UBE2S: variants seen among roughly 807,000 people sequenced by gnomAD.
The protein encoded by UBE2S is ubiquitin conjugating enzyme E2 S, also known as ubiquitin-conjugating enzyme E2 S.
In UBE2S, 3 loss-of-function variants were observed where a neutral mutation model predicts 12.3. The ratio of observed to expected loss-of-function variants is 0.24; its 90% CI spans 0.11 to 0.63. UBE2S has a LOEUF of 0.63. Ranked by LOEUF, UBE2S falls within the 30% of genes least tolerant of loss-of-function variation. The pLI is 0.85. For missense variants in UBE2S, 211 were observed against 313.9 expected (o/e 0.67, Z 2.48); for synonymous variants, 133 against 142.0 (o/e 0.94, Z 0.45).
At position 55,399,878 on chromosome 19, in the gene UBE2S, G is replaced by C. The variant is rs1261454933; in HGVS notation, c.*1558C>G. 1 of 152,250 alleles carries C rather than the reference G, an allele frequency of 6.6e-6. No homozygotes were observed. The highest frequency in any genetic ancestry group is 1.9e-4 in the East Asian group (1 of 5,208). The allele number at this position is 152,250 out of a possible 1,614,324, so 9.4% of individuals were successfully genotyped here. A position where few individuals can be genotyped will look rare whatever the true frequency, so the allele number is the denominator to read the frequency against. ...GCAGAAATGGTTGACGATAAACGCAGAGCTTAAGATTTCTTGGATGGCCAG... is the reference window on the plus strand; with the variant it reads ...GCAGAAATGGTTGACGATAAACGCACAGCTTAAGATTTCTTGGATGGCCAG... On this transcript the variant is annotated 3_prime_UTR_variant, in exon 4 of 4. Transcript: ENST00000264552.
intron 3 of UBE2S, among the ~76,000 whole-genome samples, chr19:55,402,024 G>A (rs1190633305): frequency 1.3e-5 from 2 of 152,194 alleles, no homozygotes; most frequent in African/African-American, 4.8e-5. Flanking sequence ...CTGGTCCTCC[G>A]TGGAACTTGC....
rs2090055598 is a variant in UBE2S at position 55,401,276 on chromosome 19, C to T, written c.*160G>A. The T allele has an allele frequency of 2.3e-6, 2 of 878,540 alleles. No homozygotes were observed. Among genetic ancestry groups the T allele is most frequent in the Non-Finnish European group, 3.4e-6 (2 of 587,480 alleles). The allele number at this position is 878,540 out of a possible 1,614,324, so 54.4% of individuals were successfully genotyped here. A position where few individuals can be genotyped will look rare whatever the true frequency, so the allele number is the denominator to read the frequency against. On this transcript the variant is annotated 3_prime_UTR_variant, in exon 4 of 4. Transcript: ENST00000264552. ...GCGGTCCTGGGGCATCTGTGAGACA[C>T]AGAAGCTGCTTTTCCAACTTTATTT...
At chr19:55,403,085 C>G (rs1466504071) in intron 3 of UBE2S, 1 of 1,140,820 alleles carries the variant, frequency 8.8e-7, no homozygotes, top group African/African-American at 1.5e-5. Context: ...TTGGGCAGCA[C>G]CCTTGGCCTC....
chr19:55,404,575 G>A lies in UBE2S; in HGVS notation c.152-97C>T. On this transcript the variant is annotated intron_variant, in intron 2 of 3. Transcript: ENST00000264552. The surrounding 1 kb of genome is among the most constrained non-coding windows in gnomAD (Gnocchi z 4.4). ...GTCTCCACGGTCTGATTGTGATGCAGGTGGGTGCCCCGCCAACTCTGCCAA... is the reference window on the plus strand; with the variant it reads ...GTCTCCACGGTCTGATTGTGATGCAAGTGGGTGCCCCGCCAACTCTGCCAA... 1 of 1,169,786 alleles carries A rather than the reference G, an allele frequency of 8.5e-7. No homozygotes were observed. Among genetic ancestry groups the A allele is most frequent in the South Asian group, 1.6e-5 (1 of 62,804 alleles). 72.5% of individuals were successfully genotyped at this position (1,169,786 alleles called of 1,614,324 possible). A position where few individuals can be genotyped will look rare whatever the true frequency, so the allele number is the denominator to read the frequency against.
chr19:55,406,830 T>C lies in UBE2S; in HGVS notation c.136A>G (p.Thr46Ala), dbSNP rs187433678. The C allele has an allele frequency of 6.2e-7, 1 of 1,612,994 alleles. No individual in the cohort carries two copies. Among genetic ancestry groups the C allele is most frequent in the East Asian group, 2.2e-5 (1 of 44,842 alleles). Reference protein sequence around the residue: ...NEEDLTDLQVTIEGPEGTPYA... With the variant: ...NEEDLTDLQVAIEGPEGTPYA... ...CCAAACTCACCAGGGCCCTCGATGG[T>C]GACCTGGAGGTCGGTGAGGTCCTCC... The change falls in exon 2 of 4, where the codon ACC becomes GCC. Residue 46 changes from threonine to alanine, a missense_variant. Transcript: ENST00000264552.
At position 55,407,657 on chromosome 19, in the gene UBE2S, C is replaced by CG. The variant is rs1331937068; in HGVS notation, c.-69dup. Reference sequence around the variant, plus strand: ...GCGTTCTTCGGTCCGCCGGCCGGGGCGGGGGGCCCAACTGCTGCCGCTGCG... The same window carrying CG: ...GCGTTCTTCGGTCCGCCGGCCGGGGCGGGGGGGCCCAACTGCTGCCGCTGCG... On this transcript the variant is annotated 5_prime_UTR_variant, in exon 1 of 4. Transcript: ENST00000264552. The CG allele has an allele frequency of 1.6e-6, 2 of 1,246,730 alleles. No homozygotes were observed. The highest frequency in any genetic ancestry group is 2.0e-6 in the Non-Finnish European group (2 of 976,336). 77.2% of individuals were successfully genotyped at this position (1,246,730 alleles called of 1,614,324 possible).
At chr19:55,406,707 A>C (rs947803670) in intron 2 of UBE2S, 108 bp downstream of exon 2, 1 of 1,420,628 alleles carries the variant, frequency 7.0e-7, no homozygotes, top group Non-Finnish European at 9.5e-7. Context: ...GCATCCCAAC[A>C]CCTGACACGA....
At chr19:55,406,990 G>A (rs2090100289) in intron 1 of UBE2S, 28 bp from the exon 2 acceptor site, 1 of 1,610,160 alleles carries the variant, frequency 6.2e-7, no homozygotes, top group Non-Finnish European at 8.5e-7. Flanking sequence ...AGCAGGGTGA[G>A]CGAGTGTTAA....
rs781611407 is a variant in UBE2S at position 55,404,373 on chromosome 19, G to A, written c.257C>T (p.Pro86Leu). The part of the protein sequence containing the change: ...KGYFLTKIFH[P>L]NVGANGEICV... ...GATCTCGCCATTGGCGCCCACGTTCGGGTGGAAGATCTTGGTCAGGAAGTA... is the reference window on the plus strand; with the variant it reads ...GATCTCGCCATTGGCGCCCACGTTCAGGTGGAAGATCTTGGTCAGGAAGTA... The change falls in exon 3 of 4, where the codon CCG becomes CTG. Residue 86 changes from proline to leucine, a missense_variant. Coordinates refer to ENST00000264552, the MANE Select transcript of UBE2S (RefSeq NM_014501.3). The surrounding 1 kb of genome is among the most constrained non-coding windows in gnomAD (Gnocchi z 4.4). 6 of 1,613,760 alleles carry A rather than the reference G, an allele frequency of 3.7e-6. No individual in the cohort carries two copies. Among genetic ancestry groups the A allele is most frequent in the African/African-American group, 1.3e-5 (1 of 74,880 alleles).
At chr19:55,405,134 C>T (rs542140310) in intron 2 of UBE2S, among the ~76,000 whole-genome samples, 88 of 144,560 alleles carry the variant, frequency 6.1e-4, no homozygotes, top group African/African-American at 2.2e-3. Flanking sequence ...CCCTTGAACC[C>T]GGGATGGGGA....
chr19:55,401,943 C>T (rs2090062735), intron 3 of UBE2S, among the ~76,000 whole-genome samples, 181 bp from the exon 4 acceptor site: 1 of 152,212 alleles, frequency 6.6e-6, no homozygotes, highest in Non-Finnish European at 1.5e-5. Context: ...AGGCCACCTT[C>T]ATGTGACCTG....
rs765970088 is a variant in UBE2S at position 55,401,412 on chromosome 19, C to T, written c.*24G>A. On this transcript the variant is annotated 3_prime_UTR_variant, in exon 4 of 4. Coordinates refer to ENST00000264552, the MANE Select transcript of UBE2S (RefSeq NM_014501.3). ...GAGGGGACAGGAGAGGTTGGGGTCA[C>T]GGTGGAAGGAGGAAGAGAGCCCACT... 166 of 1,540,818 alleles carry T rather than the reference C, an allele frequency of 1.1e-4. No homozygotes were observed. Among genetic ancestry groups the T allele is most frequent in the Non-Finnish European group, 1.3e-4 (147 of 1,134,116 alleles).
At position 55,400,706 on chromosome 19, in the gene UBE2S, A is replaced by C. The variant is rs1161795609; in HGVS notation, c.*730T>G. ...CTCAATTTTAGCCTGCAAAGCACTG[A>C]GCAGAGACTAGCTCAGCCGTGTCCA... On this transcript the variant is annotated 3_prime_UTR_variant, in exon 4 of 4. Transcript: ENST00000264552. 2 of 152,322 alleles carry C rather than the reference A, an allele frequency of 1.3e-5. No homozygotes were observed. Among genetic ancestry groups the C allele is most frequent in the African/African-American group, 4.8e-5 (2 of 41,464 alleles). The allele number at this position is 152,322 out of a possible 1,614,324, so 9.4% of individuals were successfully genotyped here.
chr19:55,405,886 C>T (rs2090093711), intron 2 of UBE2S, among the ~76,000 whole-genome samples: 1 of 152,170 alleles, frequency 6.6e-6, no homozygotes, highest in Non-Finnish European at 1.5e-5. Flanking sequence ...CTAGGTCCTC[C>T]CCTGAATCTC....
chr19:55,407,540 C>T (rs1391752956), intron 1 of UBE2S, 47 bp downstream of exon 1: 19 of 1,525,508 alleles, frequency 1.2e-5, no homozygotes, highest in Non-Finnish European at 1.6e-5. Flanking sequence ...CCTCCTCCCT[C>T]AGGGACACCC....
In UBE2S at chr19:55,407,719, C is replaced by A. The variant is rs144097004; in HGVS notation, c.-130G>T. 8.4e-4 allele frequency: 559 copies of A among 662,428 alleles called. 2 individuals carry two copies. The highest frequency in any genetic ancestry group is 2.5e-3 in the South Asian group (42 of 16,776). 41.0% of individuals were successfully genotyped at this position (662,428 alleles called of 1,614,324 possible). A position where few individuals can be genotyped will look rare whatever the true frequency, so the allele number is the denominator to read the frequency against. On this transcript the variant is annotated 5_prime_UTR_variant, in exon 1 of 4. Transcript: ENST00000264552. ...GCCCCGGCGGCCCCGCTCCGCTCCCCGCTGCCTCCGACGTCCGCCGCGCAC... is the reference window on the plus strand; with the variant it reads ...GCCCCGGCGGCCCCGCTCCGCTCCCAGCTGCCTCCGACGTCCGCCGCGCAC...
chr19:55,405,667 A>C (rs2090092481), intron 2 of UBE2S, among the ~76,000 whole-genome samples: 1 of 151,662 alleles, frequency 6.6e-6, no homozygotes, highest in South Asian at 2.1e-4. Context: ...CCAACTGACC[A>C]CTCCAGTCAC....
rs1433976740 is a variant in UBE2S at position 55,406,927 on chromosome 19, G to A, written c.39C>T (p.Ile13=). 1.2e-6 allele frequency: 2 copies of A among 1,613,882 alleles called. No individual in the cohort carries two copies. Among genetic ancestry groups the A allele is most frequent in the Non-Finnish European group, 1.7e-6 (2 of 1,179,856 alleles). Reference sequence around the variant, plus strand: ...TCGTCACCTCCTTGTACACCAGGCGGATGATGTGCGGGGGTAGGTTCTCCA... The same window carrying A: ...TCGTCACCTCCTTGTACACCAGGCGAATGATGTGCGGGGGTAGGTTCTCCA... ...SNVENLPPHI[I]RLVYKEVTTL... Residue 13 remains isoleucine (I), a synonymous_variant, in exon 2 of 4, where the codon ATC becomes ATT. Coordinates refer to ENST00000264552, the MANE Select transcript of UBE2S (RefSeq NM_014501.3).
chr19:55,407,550 C>T (rs1221974183), intron 1 of UBE2S, 37 bp downstream of exon 1: 8 of 1,523,704 alleles, frequency 5.3e-6, no homozygotes, highest in South Asian at 2.5e-5. Context: ...CAGGGACACC[C>T]CCGACCACCT....
Sources: gnomAD v4.1 joint callset for allele counts (sites outside exome capture counted in the v4.1 genomes callset) on GRCh38, gnomAD v4.1.1 for gene constraint, Gnocchi (gnomAD v3.1) non-coding constraint, MANE v1.5 for transcripts, NCBI Gene and HGNC (gene_info 2026-07-23, HGNC 2026-07-21) for gene names.